ANKS1B: variants seen among roughly 807,000 people sequenced by gnomAD.
ANKS1B encodes ankyrin repeat and sterile alpha motif domain-containing protein 1B.
ANKS1B carries 36 observed loss-of-function variants against 148.3 expected under a neutral mutation model. The ratio of observed to expected loss-of-function variants is 0.24; its 90% confidence interval spans 0.19 to 0.32. ANKS1B has a LOEUF of 0.32. ANKS1B is among the 10% of genes least tolerant of loss of function. ANKS1B has a pLI of 1.00. For synonymous variants in ANKS1B, 542 were observed against 560.8 expected (o/e 0.97, Z 0.47); for missense variants, 1,157 against 1,542.6 (o/e 0.75, Z 4.19).
chr12:98,844,703 G>C (rs11109623), intron 17 of ANKS1B, among the ~76,000 whole-genome samples: 13,237 of 152,178 alleles, frequency 0.087, 782 homozygotes, highest in Non-Finnish European at 0.13. Flanking sequence ...TAGCCAAGAG[G>C]CTTGATGAAT....
chr12:99,532,171 C>A (rs1436691125), intron 9 of ANKS1B, among the ~76,000 whole-genome samples: 3 of 151,868 alleles, frequency 2.0e-5, no homozygotes, highest in Admixed American at 6.6e-5. Flanking sequence ...TGGATTATTT[C>A]TTTTGCAGTG....
At chr12:99,638,372 G>A (rs970807640) in intron 9 of ANKS1B, among the ~76,000 whole-genome samples, 9 of 152,132 alleles carry the variant, frequency 5.9e-5, no homozygotes, top group African/African-American at 2.2e-4. Context: ...TGATAGTGAT[G>A]GACAATGAAG....
At chr12:98,893,926 T>C (rs2099757974) in intron 17 of ANKS1B, among the ~76,000 whole-genome samples, 1 of 152,244 alleles carries the variant, frequency 6.6e-6, no homozygotes, top group Non-Finnish European at 1.5e-5. Flanking sequence ...ACACAGGACC[T>C]TGTTTGGCTT....
chr12:98,843,306 G>A (rs988602813), intron 17 of ANKS1B, among the ~76,000 whole-genome samples: 4 of 152,206 alleles, frequency 2.6e-5, no homozygotes, highest in African/African-American at 9.6e-5. Flanking sequence ...GACTGGATTA[G>A]TTGTCACAGG....
At chr12:99,418,095 G>A (rs2152702121) in intron 11 of ANKS1B, among the ~76,000 whole-genome samples, 1 of 152,250 alleles carries the variant, frequency 6.6e-6, no homozygotes, top group Admixed American at 6.5e-5. Flanking sequence ...TCTTTAAGCT[G>A]TATCAAAAGG....
chr12:99,333,901 G>T, intron 12 of ANKS1B, among the ~76,000 whole-genome samples: 1 of 142,206 alleles, frequency 7.0e-6, no homozygotes, highest in African/African-American at 2.8e-5. Context: ...TTGTAGGGTA[G>T]GTACATGTTG....
chr12:98,852,984 A>G (rs756994955), intron 17 of ANKS1B, among the ~76,000 whole-genome samples: 1 of 152,216 alleles, frequency 6.6e-6, no homozygotes. Context: ...AAAGCGTTCT[A>G]TAAAAACAAG....
intron 1 of ANKS1B, among the ~76,000 whole-genome samples, chr12:99,859,839 G>C (rs981289647): frequency 2.0e-4 from 31 of 151,962 alleles, no homozygotes; most frequent in African/African-American, 7.5e-4. Context: ...GTAGATACAG[G>C]GTTTCATCAT....
Position 99,458,116 on chromosome 12 carries a change from A to C in ANKS1B, c.1439-14307T>G, listed in dbSNP as rs150224393. Among the ~76,000 whole-genome samples the C allele has an allele frequency of 5.4e-3, 821 of 152,218 alleles. 5 individuals are homozygous for C. The highest frequency in any genetic ancestry group is 0.019 in the African/African-American group (792 of 41,564). On this transcript the variant is annotated intron_variant, in intron 10 of 26. Transcript: ENST00000683438. Reference sequence around the variant, plus strand: ...TGGAATAAAATTGGAACTCAACTCCAAAAGAAACCCTGAAAACCATGCAAA... The same window carrying C: ...TGGAATAAAATTGGAACTCAACTCCCAAAGAAACCCTGAAAACCATGCAAA...
At chr12:99,059,531 G>A (rs2041618228) in intron 16 of ANKS1B, among the ~76,000 whole-genome samples, 1 of 151,962 alleles carries the variant, frequency 6.6e-6, no homozygotes, top group African/African-American at 2.4e-5. Context: ...AGGATATTGT[G>A]TTACAGAATG....
At chr12:99,450,668 T>G (rs2095717093) in intron 10 of ANKS1B, among the ~76,000 whole-genome samples, 1 of 152,220 alleles carries the variant, frequency 6.6e-6, no homozygotes, top group South Asian at 2.1e-4. Context: ...TTGTACTATC[T>G]TGCATTGTTC....
chr12:99,303,559 T>C lies in ANKS1B; in HGVS notation c.1757-56695A>G, dbSNP rs548596233. ...TTTAAAAAAAATCAAACAATAAATA[T>C]TTCAGTATTGATAAATTGTATAAAG... On this transcript the variant is annotated intron_variant, in intron 12 of 26. Coordinates refer to ENST00000683438, the MANE Select transcript of ANKS1B (RefSeq NM_001352186.2). Among the ~76,000 whole-genome samples the C allele has an allele frequency of 2.0e-5, 3 of 152,206 alleles. No individual in the cohort carries two copies. The South Asian group carries it at 6.2e-4, about 32-fold the overall frequency.
intron 17 of ANKS1B, among the ~76,000 whole-genome samples, chr12:98,950,160 A>G (rs1472011017): frequency 6.6e-6 from 1 of 152,248 alleles, no homozygotes; most frequent in African/African-American, 2.4e-5. Flanking sequence ...CAAGGGTTCA[A>G]CCACATAATG....
At chr12:99,190,015 C>T (rs746268337) in intron 14 of ANKS1B, among the ~76,000 whole-genome samples, 12 of 152,202 alleles carry the variant, frequency 7.9e-5, no homozygotes, top group African/African-American at 2.4e-4. Context: ...AATCAATGTG[C>T]GAAAATCACA....
rs896566697 is a variant in ANKS1B, at chr12:98,971,289, T to A, written c.2778+81868A>T. On this transcript the variant is annotated intron_variant, in intron 17 of 26. Transcript: ENST00000683438. ...TCCTACATTAATTAAATGAGATAAC[T>A]GATGTGAAAATGCCTGATGTAAATA... Among the ~76,000 whole-genome samples, 4 of 152,346 alleles carry A rather than the reference T, an allele frequency of 2.6e-5. No individual in the cohort carries two copies. In the South Asian group the frequency reaches 8.3e-4, roughly 32 times the overall value.
intron 1 of ANKS1B, among the ~76,000 whole-genome samples, chr12:99,829,709 AG>A (rs1276963482): frequency 6.6e-6 from 1 of 152,140 alleles, no homozygotes; most frequent in African/African-American, 2.4e-5. Context: ...GCATGCCTGT[AG>A]TCCCAACTAC....
At chr12:99,149,894 C>T (rs1287018429) in intron 15 of ANKS1B, among the ~76,000 whole-genome samples, 3 of 152,072 alleles carry the variant, frequency 2.0e-5, no homozygotes, top group Non-Finnish European at 2.9e-5. Context: ...GAATGAGGGG[C>T]AAGATCCCTG....
chr12:99,242,353 T>C (rs2089503991), intron 14 of ANKS1B, among the ~76,000 whole-genome samples: 1 of 152,182 alleles, frequency 6.6e-6, no homozygotes, highest in African/African-American at 2.4e-5. Context: ...GAAGGACCTC[T>C]TTAACCAGAA....
chr12:98,916,962 A>ATT (rs367815683), intron 17 of ANKS1B, among the ~76,000 whole-genome samples: 29,803 of 141,446 alleles, frequency 0.21, 3,298 homozygotes, highest in Admixed American at 0.26. Context: ...GTATTCAACT[A>ATT]TTTTTTTTTT....
Sources: gnomAD v4.1 joint callset for allele counts (sites outside exome capture counted in the v4.1 genomes callset) on GRCh38, gnomAD v4.1.1 for gene constraint, MANE v1.5 for transcripts, NCBI Gene and HGNC (gene_info 2026-07-23, HGNC 2026-07-21) for gene names.